Variants in SHCBP1L observed in about 807,000 individuals in gnomAD.
The protein encoded by SHCBP1L is testicular spindle-associated protein SHCBP1L.
Under a neutral mutation model 62.5 loss-of-function variants are expected in SHCBP1L, and 67 were observed. That is an observed-to-expected ratio of 1.07 (90% CI 0.88 to 1.31). The LOEUF (loss-of-function observed/expected upper bound fraction) is 1.31. SHCBP1L is among the 40% of genes most tolerant of loss of function. The pLI, the probability that SHCBP1L is intolerant of heterozygous loss-of-function variation, is 0.00. For missense variants in SHCBP1L, 823 were observed against 809.8 expected (o/e 1.02, Z -0.20); for synonymous variants, 284 against 289.4 (o/e 0.98, Z 0.19).
intron 2 of SHCBP1L, among the ~76,000 whole-genome samples, chr1:182,949,890 C>G (rs1651692010): frequency 6.7e-6 from 1 of 150,186 alleles, no homozygotes; most frequent in Admixed American, 6.6e-5. Context: ...CAACCTCTGC[C>G]TCCCAGGCTC....
In SHCBP1L at chr1:182,939,507, A is replaced by G. The variant is rs774520465; in HGVS notation, c.817T>C (p.Cys273Arg). The change falls in exon 4 of 10, where the codon TGT becomes CGT. Residue 273 changes from cysteine (C) to arginine (R), a missense_variant. Coordinates refer to ENST00000367547, the MANE Select transcript of SHCBP1L (RefSeq NM_030933.4). ...LWRDWDDEES[C>R]ENYTALIEER... is the part of the protein sequence containing the mutation. ...TCAATAAGTGCAGTATAATTCTCAC[A>G]ACTTTCTTCATCATCCCAGTCTCTC... The G allele has an allele frequency of 1.2e-6, 2 of 1,609,046 alleles. No individual in the cohort carries two copies. The highest frequency in any genetic ancestry group is 1.7e-6 in the Non-Finnish European group (2 of 1,177,854).
chr1:182,930,803 G>A (rs1353316504), intron 5 of SHCBP1L, among the ~76,000 whole-genome samples: 1 of 126,772 alleles, frequency 7.9e-6, no homozygotes, highest in Non-Finnish European at 1.6e-5. Context: ...ATGGCTTACT[G>A]CAGCCTTGAC....
intron 5 of SHCBP1L, among the ~76,000 whole-genome samples, chr1:182,938,934 A>C (rs1042829042): frequency 6.6e-5 from 10 of 152,224 alleles, no homozygotes; most frequent in African/African-American, 2.4e-4. Flanking sequence ...AAAAGAGTTA[A>C]AATGAAAGAT....
intron 3 of SHCBP1L, among the ~76,000 whole-genome samples, chr1:182,939,859 G>A (rs184261003): frequency 1.7e-3 from 255 of 152,068 alleles, no homozygotes; most frequent in Non-Finnish European, 2.2e-3. Context: ...TGTATGGGAG[G>A]AAAACATTAG....
At chr1:182,939,434 A>G (rs752350208) in intron 4 of SHCBP1L, 33 bp downstream of exon 4, 1 of 1,607,358 alleles carries the variant, frequency 6.2e-7, no homozygotes, top group East Asian at 2.2e-5. Context: ...TATTTTTTCT[A>G]ATGTGCGGTA....
chr1:182,952,797 G>C lies in SHCBP1L; in HGVS notation c.337C>G (p.Arg113Gly), dbSNP rs761718095. The change falls in exon 1 of 10, where the codon CGT becomes GGT. Residue 113 changes from arginine (R) to glycine (G), a missense_variant. Transcript: ENST00000367547. ...TCGTCCCGCCACATCCCCCTCATAC[G>C]GGACACGCAGACTGGGGGCAGGGGC... ...AQPLPPVCVS[R>G]MRGMWRDEKV... 1.5e-5 allele frequency: 24 copies of C among 1,612,548 alleles called. No homozygotes were observed. Among genetic ancestry groups the C allele is most frequent in the Non-Finnish European group, 2.0e-5 (24 of 1,179,468 alleles).
chr1:182,905,934 G>A (rs146709824), intron 6 of SHCBP1L, among the ~76,000 whole-genome samples: 221 of 151,910 alleles, frequency 1.5e-3, no homozygotes, highest in African/African-American at 5.0e-3. Context: ...GTTCCTTGAC[G>A]TATTATTATT....
At position 182,929,718 on chromosome 1, in the gene SHCBP1L, G is replaced by C; in HGVS notation, c.1111C>G (p.Arg371Gly). ...CCAAATTCTCTTTTTCCTTTCCTAC[G>C]CCTCAGAATTCTTGGAAAGAAAGGT... is the stretch of plus-strand genomic sequence containing the variant. The part of the protein sequence containing the change: ...HGPFFPRILR[R>G]RKGKREFGKT... Residue 371 changes from arginine (R) to glycine (G), a missense_variant, in exon 6 of 10, where the codon CGT becomes GGT. By Grantham distance (125) the Arg-to-Gly change is moderately radical. Coordinates refer to ENST00000367547, the MANE Select transcript of SHCBP1L (RefSeq NM_030933.4). 6.3e-7 allele frequency: 1 copy of C among 1,588,502 alleles called. No individual in the cohort carries two copies.
At chr1:182,924,938 GAAAGAAA>G (rs1650678864) in intron 6 of SHCBP1L, among the ~76,000 whole-genome samples, 2 of 93,828 alleles carry the variant, frequency 2.1e-5, no homozygotes, top group Admixed American at 1.2e-4. Flanking sequence ...AAGGAAGGAA[GAAAGAAA>G]GAAAGAAAGA....
intron 2 of SHCBP1L, among the ~76,000 whole-genome samples, chr1:182,945,929 G>A (rs368723049): frequency 1.6e-4 from 24 of 152,042 alleles, no homozygotes; most frequent in African/African-American, 5.1e-4. Context: ...GTATGGTGGC[G>A]CATGCCTGCA....
chr1:182,943,433 G>C (rs1051483569), intron 2 of SHCBP1L, among the ~76,000 whole-genome samples: 55 of 141,802 alleles, frequency 3.9e-4, no homozygotes, highest in African/African-American at 1.5e-3. Context: ...AGTTTTTTTT[G>C]TTTGTTTGTG....
At chr1:182,906,708 C>T (rs556086552) in intron 6 of SHCBP1L, among the ~76,000 whole-genome samples, 2 of 152,166 alleles carry the variant, frequency 1.3e-5, no homozygotes, top group East Asian at 3.9e-4. Flanking sequence ...CATGAGCCAC[C>T]GTGCCCGGCC....
At chr1:182,909,039 G>T (rs1209430147) in intron 6 of SHCBP1L, among the ~76,000 whole-genome samples, 1 of 152,122 alleles carries the variant, frequency 6.6e-6, no homozygotes, top group Non-Finnish European at 1.5e-5. Flanking sequence ...AAACTCATTT[G>T]TGCAGGTATT....
intron 6 of SHCBP1L, among the ~76,000 whole-genome samples, chr1:182,913,916 G>A (rs999275812): frequency 1.3e-4 from 20 of 152,228 alleles, no homozygotes; most frequent in African/African-American, 4.8e-4. Context: ...GGGAGGCAGA[G>A]GTTGCAGTGA....
At chr1:182,902,143 G>A (rs994239811) in intron 9 of SHCBP1L, among the ~76,000 whole-genome samples, 1 of 143,480 alleles carries the variant, frequency 7.0e-6, no homozygotes, top group Non-Finnish European at 1.5e-5. Context: ...TCCACCTCTC[G>A]AGTTCAAGTG....
chr1:182,948,374 T>C (rs1054632056), intron 2 of SHCBP1L, among the ~76,000 whole-genome samples: 1 of 152,228 alleles, frequency 6.6e-6, no homozygotes, highest in Admixed American at 6.5e-5. Flanking sequence ...GGAGGTCATC[T>C]TGGATTACCC....
At chr1:182,930,547 GTGTGTATATATATATATA>G (rs58331561) in intron 5 of SHCBP1L, among the ~76,000 whole-genome samples, 5,320 of 92,780 alleles carry the variant, frequency 0.057, 242 homozygotes, top group East Asian at 0.15. Flanking sequence ...GCTTTAGTGT[GTGTGTATATATATATATA>G]TATATATATA....
intron 9 of SHCBP1L, among the ~76,000 whole-genome samples, chr1:182,901,654 A>G (rs1649842129): frequency 6.6e-6 from 1 of 152,178 alleles, no homozygotes; most frequent in South Asian, 2.1e-4. Flanking sequence ...TAACGTATGT[A>G]TATATCATCT....
rs1356042032 is a variant in SHCBP1L, at chr1:182,930,723, ATG to A, written c.1077-973_1077-972del. On this transcript the variant is annotated intron_variant, in intron 5 of 9. Coordinates refer to ENST00000367547, the MANE Select transcript of SHCBP1L (RefSeq NM_030933.4). The stretch of plus-strand genomic sequence containing the variant: ...TGTGTGTATATATATATATATATAT[ATG>A]TATTTTTTTTTTTTTTTTTTTTTTT... Among the ~76,000 whole-genome samples the A allele has an allele frequency of 2.7e-4, 17 of 63,604 alleles. 1 individual carries two copies. The highest frequency in any genetic ancestry group is 8.6e-4 in the African/African-American group (14 of 16,362). 41.7% of individuals were successfully genotyped at this position (63,604 alleles called of 152,430 possible).
Sources: allele counts gnomAD v4.1 joint callset (sites outside exome capture counted in the v4.1 genomes callset), GRCh38; gene constraint gnomAD v4.1.1; transcripts MANE v1.5; gene names NCBI Gene and HGNC (gene_info 2026-07-23, HGNC 2026-07-21).